The following CHD6 variants were observed in gnomAD, a reference collection of about 807,000 sequenced individuals.
CHD6 encodes the protein ATP-dependent chromatin remodeler CHD6.
CHD6 carries 50 observed loss-of-function variants against 276.9 expected under a neutral mutation model. The observed-to-expected ratio is 0.18, with a 90% CI of 0.14 to 0.23. The LOEUF is 0.23. Ranked by LOEUF, CHD6 falls within the 10% of genes least tolerant of loss-of-function variation. CHD6 has a pLI of 1.00. For synonymous variants in CHD6, 1,173 were observed against 1,229.3 expected, an observed-to-expected ratio of 0.95 and a Z score of 0.96; for missense variants, 2,564 against 3,365.8, an observed-to-expected ratio of 0.76 and a Z score of 5.89.
intron 17 of CHD6, among the ~76,000 whole-genome samples, chr20:41,460,729 T>C (rs2048519677): frequency 6.6e-6 from 1 of 152,244 alleles, no homozygotes; most frequent in Non-Finnish European, 1.5e-5. Flanking sequence ...GGTGGGGTCC[T>C]CATGGAGAAC....
At chr20:41,503,827 C>T (rs2043898626) in intron 5 of CHD6, among the ~76,000 whole-genome samples, 1 of 151,976 alleles carries the variant, frequency 6.6e-6, no homozygotes, top group African/African-American at 2.4e-5. Context: ...CCTGTAATCC[C>T]AACACTTTAG....
intron 3 of CHD6, among the ~76,000 whole-genome samples, chr20:41,518,848 C>A (rs2044314647): frequency 6.6e-6 from 1 of 152,160 alleles, no homozygotes; most frequent in Admixed American, 6.5e-5. Context: ...GTATATATTT[C>A]TGCTCTTTGG....
intron 3 of CHD6, among the ~76,000 whole-genome samples, chr20:41,521,347 A>G (rs1378908561): frequency 6.6e-6 from 1 of 152,134 alleles, no homozygotes; most frequent in African/African-American, 2.4e-5. Context: ...TGGTGAAGTG[A>G]CTCTGAAACT....
intron 17 of CHD6, among the ~76,000 whole-genome samples, chr20:41,465,498 G>T (rs948986454): frequency 2.6e-5 from 4 of 152,096 alleles, no homozygotes; most frequent in African/African-American, 7.2e-5. Context: ...TGAAAGATAA[G>T]GAAAGACAAA....
At chr20:41,423,420 G>T in intron 30 of CHD6, 72 bp downstream of exon 30, 1 of 1,446,330 alleles carries the variant, frequency 6.9e-7, no homozygotes, top group Non-Finnish European at 9.7e-7. Context: ...TATACCTAAA[G>T]TAATTCTGCA....
At chr20:41,448,965 G>A (rs562132946) in intron 23 of CHD6, among the ~76,000 whole-genome samples, 5 of 151,214 alleles carry the variant, frequency 3.3e-5, no homozygotes, top group South Asian at 2.1e-4. Context: ...GCAATGGCGC[G>A]ATCTTGGCTC....
intron 2 of CHD6, chr20:41,547,807 T>C: frequency 2.0e-6 from 1 of 503,766 alleles, no homozygotes; most frequent in South Asian, 1.5e-5. Flanking sequence ...TCTGGAACTA[T>C]TAAAGAGCTC....
chr20:41,482,914 T>C (rs2043326993), intron 16 of CHD6, among the ~76,000 whole-genome samples: 1 of 152,224 alleles, frequency 6.6e-6, no homozygotes, highest in Admixed American at 6.5e-5. Flanking sequence ...GTTTATGCTC[T>C]TTCAGGAATT....
At chr20:41,449,892 A>G (rs1373685744) in intron 23 of CHD6, among the ~76,000 whole-genome samples, 1 of 152,304 alleles carries the variant, frequency 6.6e-6, no homozygotes, top group East Asian at 1.9e-4. Context: ...GTCTGCTTTT[A>G]GCTTAGATTT....
At position 41,405,055 on chromosome 20, in the gene CHD6, C is replaced by T. The variant is rs773890800; in HGVS notation, c.7686G>A (p.Thr2562=). ...ASLSSTTKSG[T]AVTEKTAEDK... The stretch of plus-strand genomic sequence containing the variant: ...CTTCCGCAGTCTTTTCAGTCACTGC[C>T]GTACCACTTTTCGTTGTGCTTGATA... Residue 2562 remains threonine (T), a synonymous_variant, in exon 37 of 37, where the codon ACG becomes ACA. Coordinates refer to ENST00000373233, the MANE Select transcript of CHD6 (RefSeq NM_032221.5). 5.1e-5 allele frequency: 82 copies of T among 1,614,090 alleles called. No homozygotes were observed. Among genetic ancestry groups the T allele is most frequent in the Middle Eastern group, 1.6e-4 (1 of 6,084 alleles).
intron 25 of CHD6, among the ~76,000 whole-genome samples, chr20:41,445,311 C>T (rs1243183528): frequency 2.0e-5 from 3 of 152,084 alleles, no homozygotes; most frequent in Non-Finnish European, 2.9e-5. Context: ...TAGCATTTCC[C>T]GCCATTTATT....
At chr20:41,422,181 C>T in intron 30 of CHD6, 102 bp from the exon 31 acceptor site, 1 of 1,235,622 alleles carries the variant, frequency 8.1e-7, no homozygotes. Context: ...AGCTCCCTGG[C>T]TCCTCAGCAT....
At chr20:41,570,513 T>A (rs1046549003) in intron 1 of CHD6, among the ~76,000 whole-genome samples, 1 of 152,202 alleles carries the variant, frequency 6.6e-6, no homozygotes, top group African/African-American at 2.4e-5. Context: ...ATTTCACCAC[T>A]TATGCTGTTT....
At position 41,423,573 on chromosome 20, in the gene CHD6, C is replaced by T. The variant is rs748610405; in HGVS notation, c.4474G>A (p.Asp1492Asn). ...RIISRLDKKS[D>N]ESLEQYFYSF... ...TAAAAATACTGTTCCAGGCTCTCAT[C>T]CGACTTCTTGTCCAAACGGGAAATG... Residue 1492 changes from aspartate to asparagine, a missense_variant, in exon 30 of 37, where the codon GAT becomes AAT. Transcript: ENST00000373233. The T allele has an allele frequency of 6.2e-7, 1 of 1,614,224 alleles. No individual in the cohort carries two copies. Among genetic ancestry groups the T allele is most frequent in the Non-Finnish European group, 8.5e-7 (1 of 1,180,036 alleles).
intron 1 of CHD6, among the ~76,000 whole-genome samples, chr20:41,587,593 A>T (rs1310693559): frequency 6.6e-6 from 1 of 152,238 alleles, no homozygotes; most frequent in Non-Finnish European, 1.5e-5. Context: ...GAAAATTAAA[A>T]GCTTGCAAAA....
intron 1 of CHD6, among the ~76,000 whole-genome samples, chr20:41,594,654 G>A (rs971468161): frequency 9.2e-5 from 14 of 152,186 alleles, no homozygotes; most frequent in African/African-American, 3.1e-4. Context: ...AGCCCTTCCT[G>A]CTTAATCTGT....
At chr20:41,563,273 G>A (rs796087219) in intron 1 of CHD6, among the ~76,000 whole-genome samples, 3 of 152,222 alleles carry the variant, frequency 2.0e-5, no homozygotes, top group African/African-American at 7.2e-5. Flanking sequence ...ACCTTCCTGT[G>A]GGCCAGCTGC....
At chr20:41,602,597 T>C (rs1400828011) in intron 1 of CHD6, among the ~76,000 whole-genome samples, 1 of 152,252 alleles carries the variant, frequency 6.6e-6, no homozygotes, top group Admixed American at 6.5e-5. Context: ...GCCTCTGCAC[T>C]GCTCCTCGCA....
chr20:41,467,587 G>T (rs79312142), intron 17 of CHD6, among the ~76,000 whole-genome samples: 1 of 62,226 alleles, frequency 1.6e-5, no homozygotes, highest in Admixed American at 1.5e-4. Flanking sequence ...AAAAAAAAAA[G>T]GCTGGGTGTT....
Sources: allele counts gnomAD v4.1 joint callset (sites outside exome capture counted in the v4.1 genomes callset), GRCh38; gene constraint gnomAD v4.1.1; transcripts MANE v1.5; gene names NCBI Gene and HGNC (gene_info 2026-07-23, HGNC 2026-07-21).